The following ABHD12 variants were observed in gnomAD, a reference collection of about 807,000 sequenced individuals.
ABHD12 encodes the protein abhydrolase domain containing 12, lysophospholipase.
ABHD12 carries 43 observed loss-of-function variants against 58.3 expected under a neutral mutation model. That is an observed-to-expected ratio of 0.74 (90% CI 0.58 to 0.95). ABHD12 has a LOEUF of 0.95. ABHD12 is among the 40% of genes least tolerant of loss of function. ABHD12 has a pLI of 0.00. For missense variants in ABHD12, 539 were observed against 537.2 expected, an observed-to-expected ratio of 1.00 and a Z score of -0.03; for synonymous variants, 219 against 211.2, an observed-to-expected ratio of 1.04 and a Z score of -0.32.
At chr20:25,308,788 G>T (rs1399263475) in intron 7 of ABHD12, among the ~76,000 whole-genome samples, 1 of 152,224 alleles carries the variant, frequency 6.6e-6, no homozygotes, top group Non-Finnish European at 1.5e-5. Context: ...CTGTCGGCTG[G>T]GGGTGGCCAG....
rs371966405 is a variant in ABHD12, at chr20:25,330,977, T to G, written c.317-7547A>C. 8.7e-4 allele frequency among the ~76,000 whole-genome samples: 133 copies of G among 152,322 alleles called. 3 individuals carry two copies. The East Asian group carries it at 0.024, about 28-fold the overall frequency. On this transcript the variant is annotated intron_variant, in intron 2 of 12. Transcript: ENST00000339157. ...AAGCTGGACGGAGAATGACTTTGAC[T>G]AGCTGAGAGAAGAAGGCTTCAGACG... is the stretch of plus-strand genomic sequence containing the variant.
At chr20:25,385,921 AC>A (rs908597379) in intron 1 of ABHD12, among the ~76,000 whole-genome samples, 9 of 151,568 alleles carry the variant, frequency 5.9e-5, no homozygotes, top group Non-Finnish European at 1.3e-4. Context: ...ACACGGTGAA[AC>A]CCCGTCTCTA....
chr20:25,307,067 C>A, intron 9 of ABHD12, 152 bp from the exon 10 acceptor site: 1 of 678,326 alleles, frequency 1.5e-6, no homozygotes, highest in Non-Finnish European at 2.7e-6. Flanking sequence ...CAAGGGGCCA[C>A]CAGAGCTGTG....
In ABHD12 at chr20:25,322,362, G is replaced by GATATATATATAT. The variant is rs1312326738; in HGVS notation, c.422+951_422+962dup. On this transcript the variant is annotated intron_variant, in intron 3 of 12. Coordinates refer to ENST00000339157, the MANE Select transcript of ABHD12 (RefSeq NM_001042472.3). ...ATCTAGATGTTCACCTCTTGGAAAA[G>GATATATATATAT]ATATATATATATATATATATTTTTT... Among the ~76,000 whole-genome samples the GATATATATATAT allele has an allele frequency of 3.2e-4, 21 of 66,104 alleles. 1 individual carries two copies. The highest frequency in any genetic ancestry group is 1.3e-3 in the African/African-American group (19 of 14,604). 43.4% of individuals were successfully genotyped at this position (66,104 alleles called of 152,430 possible).
At chr20:25,333,759 C>A (rs550136236) in intron 2 of ABHD12, among the ~76,000 whole-genome samples, 6 of 151,674 alleles carry the variant, frequency 4.0e-5, no homozygotes, top group Non-Finnish European at 5.9e-5. Context: ...ATTCAACAAC[C>A]CTTCATGCTA....
intron 1 of ABHD12, 101 bp from the exon 2 acceptor site, chr20:25,339,452 A>G: frequency 6.5e-7 from 1 of 1,545,016 alleles, no homozygotes; most frequent in Non-Finnish European, 8.9e-7. Flanking sequence ...AGCCACACAT[A>G]TTTTTTTTTC....
chr20:25,300,953 C>T (rs1416176392), intron 12 of ABHD12, 69 bp from the exon 13 acceptor site: 4 of 1,507,982 alleles, frequency 2.7e-6, no homozygotes, highest in African/African-American at 2.7e-5. Flanking sequence ...ACAGTCCTCA[C>T]ACTGCTATCT....
At chr20:25,375,197 T>C (rs997447050) in intron 1 of ABHD12, among the ~76,000 whole-genome samples, 19 of 152,170 alleles carry the variant, frequency 1.2e-4, no homozygotes, top group Admixed American at 1.2e-3. Context: ...TGCTGACACC[T>C]CCATCTTGGA....
chr20:25,383,227 G>A (rs8123947), intron 1 of ABHD12, among the ~76,000 whole-genome samples: 2,278 of 152,264 alleles, frequency 0.015, 51 homozygotes, highest in African/African-American at 0.046. Context: ...CTGGGTTAGG[G>A]GGAAGCCATT....
chr20:25,364,648 C>T (rs1465204021), intron 1 of ABHD12, among the ~76,000 whole-genome samples: 1 of 152,210 alleles, frequency 6.6e-6, no homozygotes, highest in Admixed American at 6.5e-5. Context: ...CCATACCTAA[C>T]GGCCTACAGA....
intron 3 of ABHD12, 43 bp downstream of exon 3, chr20:25,323,282 C>G: frequency 7.6e-7 from 1 of 1,315,622 alleles, no homozygotes; most frequent in South Asian, 1.2e-5. Context: ...ATGTAGGGTC[C>G]TTTCCTGCTG....
chr20:25,322,381 A>ATTTTTTT (rs199757666), intron 3 of ABHD12, among the ~76,000 whole-genome samples: 108 of 59,112 alleles, frequency 1.8e-3, no homozygotes, highest in Non-Finnish European at 2.6e-3. Flanking sequence ...ATATATATAT[A>ATTTTTTT]TTTTTTTTTT....
chr20:25,379,481 C>A, intron 1 of ABHD12, among the ~76,000 whole-genome samples: 1 of 152,164 alleles, frequency 6.6e-6, no homozygotes, highest in East Asian at 1.9e-4. Context: ...TCTTTCCCCA[C>A]AGCCTTGGCC....
At chr20:25,301,925 C>CT (rs1249482808) in intron 12 of ABHD12, among the ~76,000 whole-genome samples, 1 of 152,234 alleles carries the variant, frequency 6.6e-6, no homozygotes, top group Non-Finnish European at 1.5e-5. Flanking sequence ...GTGTCTGTGT[C>CT]TGAGTGTTCC....
At chr20:25,312,921 GGA>G (rs1568719644) in intron 6 of ABHD12, among the ~76,000 whole-genome samples, 2 of 55,440 alleles carry the variant, frequency 3.6e-5, no homozygotes, top group African/African-American at 6.3e-5. Context: ...GCCCCATCTG[GGA>G]AGTGAGGAGC....
chr20:25,363,367 C>T (rs923574402), intron 1 of ABHD12, among the ~76,000 whole-genome samples: 4 of 151,666 alleles, frequency 2.6e-5, no homozygotes, highest in Non-Finnish European at 4.4e-5. Context: ...TACAGGTACA[C>T]GCACCCACGC....
chr20:25,380,867 C>T (rs1034698453), intron 1 of ABHD12, among the ~76,000 whole-genome samples: 2 of 152,210 alleles, frequency 1.3e-5, no homozygotes, highest in African/African-American at 4.8e-5. Flanking sequence ...GTTTAACAGG[C>T]ACCTCAATAT....
intron 1 of ABHD12, among the ~76,000 whole-genome samples, chr20:25,380,930 T>C (rs570749521): frequency 1.3e-5 from 2 of 152,340 alleles, no homozygotes; most frequent in Non-Finnish European, 2.9e-5. Context: ...TCTTTCCACA[T>C]CTGTCCCCAT....
chr20:25,344,613 A>G (rs559786539), intron 1 of ABHD12, among the ~76,000 whole-genome samples: 1 of 152,356 alleles, frequency 6.6e-6, no homozygotes, highest in African/African-American at 2.4e-5. Context: ...TAGATTCAAT[A>G]TAATCCCAAT....
Sources: gnomAD v4.1 joint callset for allele counts (sites outside exome capture counted in the v4.1 genomes callset) on GRCh38, gnomAD v4.1.1 for gene constraint, MANE v1.5 for transcripts, NCBI Gene and HGNC (gene_info 2026-07-23, HGNC 2026-07-21) for gene names.